CPQ: variants seen among roughly 807,000 people sequenced by gnomAD.
CPQ encodes the protein carboxypeptidase Q.
CPQ carries 37 observed loss-of-function variants against 45.7 expected under a neutral mutation model. That is an observed-to-expected ratio of 0.81 (90% CI 0.62 to 1.07). CPQ has a LOEUF of 1.07. Ranked by LOEUF, CPQ falls within the 50% of genes least tolerant of loss-of-function variation. The probability of loss-of-function intolerance (pLI) is 0.00; values close to 1 mark genes in which losing one functional copy is unlikely to be tolerated. For synonymous variants in CPQ, 186 were observed against 205.8 expected, an observed-to-expected ratio of 0.90 and a Z score of 0.82; for missense variants, 537 against 572.9, an observed-to-expected ratio of 0.94 and a Z score of 0.64.
intron 5 of CPQ, among the ~76,000 whole-genome samples, chr8:96,998,724 A>G (rs990127937): frequency 6.6e-5 from 10 of 151,962 alleles, no homozygotes; most frequent in Admixed American, 6.6e-4. Context: ...TTCCTTGATT[A>G]CTAGAGGTTT....
chr8:97,121,954 C>T (rs979812636), intron 7 of CPQ, among the ~76,000 whole-genome samples: 9 of 151,880 alleles, frequency 5.9e-5, no homozygotes, highest in African/African-American at 1.9e-4. Context: ...GCAATTCAAA[C>T]TGAAGATAAA....
At chr8:96,815,602 A>T (rs1811217495) in intron 2 of CPQ, among the ~76,000 whole-genome samples, 2 of 152,160 alleles carry the variant, frequency 1.3e-5, no homozygotes, top group Admixed American at 1.3e-4. Context: ...TGGCTAAATC[A>T]CAGTTTTAGC....
chr8:96,670,946 G>A (rs1304104335), intron 1 of CPQ, among the ~76,000 whole-genome samples: 1 of 152,136 alleles, frequency 6.6e-6, no homozygotes, highest in Non-Finnish European at 1.5e-5. Context: ...TCCTTGTGGT[G>A]ATAGACATGC....
intron 3 of CPQ, among the ~76,000 whole-genome samples, chr8:96,850,584 T>TTTTATTTTATTTATTTA (rs1554572915): frequency 7.3e-6 from 1 of 136,636 alleles, no homozygotes; most frequent in African/African-American, 2.9e-5. Flanking sequence ...TTTTATTTTA[T>TTTTATTTTATTTATTTA]TTTATTTATT....
At chr8:97,124,225 CAAAA>C (rs34933920) in intron 7 of CPQ, among the ~76,000 whole-genome samples, 693 of 42,482 alleles carry the variant, frequency 0.016, 2 homozygotes, top group African/African-American at 0.056. Context: ...GACTCCGTCT[CAAAA>C]AAAAAAAAAA....
intron 4 of CPQ, among the ~76,000 whole-genome samples, chr8:96,931,574 A>T (rs1169786957): frequency 1.3e-5 from 2 of 152,108 alleles, no homozygotes; most frequent in Non-Finnish European, 2.9e-5. Context: ...ACAGAGCAGG[A>T]AGGATGACCA....
At chr8:96,895,745 G>C (rs891758272) in intron 4 of CPQ, among the ~76,000 whole-genome samples, 17 of 152,242 alleles carry the variant, frequency 1.1e-4, no homozygotes, top group African/African-American at 4.1e-4. Context: ...CAGTTATACT[G>C]TCAGTTAAAT....
chr8:96,773,098 G>C (rs369319879), intron 1 of CPQ, among the ~76,000 whole-genome samples: 13 of 152,230 alleles, frequency 8.5e-5, no homozygotes, highest in African/African-American at 3.1e-4. Flanking sequence ...GGATAGACTA[G>C]TTTAAAGGAG....
chr8:96,806,426 TA>T (rs1226476812), intron 2 of CPQ, among the ~76,000 whole-genome samples: 2 of 152,066 alleles, frequency 1.3e-5, no homozygotes, highest in Non-Finnish European at 2.9e-5. Flanking sequence ...GCTCACACCC[TA>T]AAAAATCTCT....
At chr8:96,727,340 T>G (rs1282243009) in intron 1 of CPQ, among the ~76,000 whole-genome samples, 1 of 152,204 alleles carries the variant, frequency 6.6e-6, no homozygotes, top group African/African-American at 2.4e-5. Context: ...AAAACACATC[T>G]GAGGGTGTCT....
intron 2 of CPQ, among the ~76,000 whole-genome samples, chr8:96,789,472 C>T (rs1488511998): frequency 6.6e-6 from 1 of 152,064 alleles, no homozygotes; most frequent in Admixed American, 6.6e-5. Context: ...ATGAGTCACC[C>T]GTAGGTCTGC....
chr8:96,785,103 T>G lies in CPQ; in HGVS notation c.206T>G (p.Leu69Arg). 6.2e-7 allele frequency: 1 copy of G among 1,613,818 alleles called. No individual in the cohort carries two copies. The highest frequency in any genetic ancestry group is 8.5e-7 in the Non-Finnish European group (1 of 1,179,846). Residue 69 changes from leucine (L) to arginine (R), a missense_variant, in exon 2 of 8, where the codon CTT (leucine) becomes CGT (arginine). Leu to Arg is a moderately radical substitution (Grantham distance 102, BLOSUM62 -2). Transcript: ENST00000220763. ...AQNRSYERLALLVDTVGPRLS... is the reference protein window; with the variant it reads ...AQNRSYERLARLVDTVGPRLS... ...AACAGATCCTATGAGCGATTGGCAC[T>G]TCTGGTTGATACTGTTGGACCCAGA...
intron 1 of CPQ, among the ~76,000 whole-genome samples, chr8:96,748,562 TA>T (rs916035362): frequency 3.0e-4 from 46 of 151,496 alleles, no homozygotes; most frequent in African/African-American, 7.3e-4. Flanking sequence ...TTATTAATAA[TA>T]AAAAAAAACC....
intron 1 of CPQ, among the ~76,000 whole-genome samples, chr8:96,696,087 T>C (rs1563471642): frequency 1.3e-5 from 2 of 151,822 alleles, no homozygotes. Flanking sequence ...GTGGCACATA[T>C]ACATCATGGA....
At chr8:97,105,737 T>C (rs1036902057) in intron 7 of CPQ, among the ~76,000 whole-genome samples, 3 of 152,144 alleles carry the variant, frequency 2.0e-5, no homozygotes, top group Non-Finnish European at 4.4e-5. Flanking sequence ...AAGGAAACAG[T>C]TTTAAACTCT....
chr8:97,135,050 C>T (rs2130626910), intron 7 of CPQ, among the ~76,000 whole-genome samples: 1 of 152,242 alleles, frequency 6.6e-6, no homozygotes, highest in Admixed American at 6.5e-5. Flanking sequence ...TACTGTGGGA[C>T]CTGCAAGTCC....
intron 1 of CPQ, among the ~76,000 whole-genome samples, chr8:96,763,945 T>G (rs762491116): frequency 6.6e-6 from 1 of 152,186 alleles, no homozygotes; most frequent in Non-Finnish European, 1.5e-5. Flanking sequence ...TGTAAACTGG[T>G]ACAACCACTT....
intron 7 of CPQ, among the ~76,000 whole-genome samples, chr8:97,135,447 G>C (rs922088669): frequency 3.9e-5 from 6 of 152,134 alleles, no homozygotes; most frequent in Non-Finnish European, 7.4e-5. Flanking sequence ...TGAAAAGAGA[G>C]ATTAAGTGTC....
At chr8:97,134,489 G>A (rs1812015777) in intron 7 of CPQ, among the ~76,000 whole-genome samples, 1 of 152,206 alleles carries the variant, frequency 6.6e-6, no homozygotes, top group Non-Finnish European at 1.5e-5. Context: ...TTGGTGTCAG[G>A]TAGGGCTGCC....
Sources: gnomAD v4.1 joint callset for allele counts (sites outside exome capture counted in the v4.1 genomes callset) on GRCh38, gnomAD v4.1.1 for gene constraint, MANE v1.5 for transcripts, NCBI Gene and HGNC (gene_info 2026-07-23, HGNC 2026-07-21) for gene names.